Variants in DLG2 observed in about 807,000 individuals in gnomAD.
The protein encoded by DLG2 is discs large MAGUK scaffold protein 2.
Under a neutral mutation model 132.5 loss-of-function variants are expected in DLG2, and 45 were observed. The ratio of observed to expected loss-of-function variants is 0.34; its 90% CI spans 0.27 to 0.44. The LOEUF (loss-of-function observed/expected upper bound fraction) is 0.44. DLG2 is among the 20% of genes least tolerant of loss of function. The pLI is 1.00. For synonymous variants in DLG2, 424 were observed against 419.6 expected (o/e 1.01, Z -0.13); for missense variants, 1,045 against 1,196.9 (o/e 0.87, Z 1.87).
intron 6 of DLG2, among the ~76,000 whole-genome samples, chr11:85,059,857 C>T (rs1398944701): frequency 6.6e-6 from 1 of 151,594 alleles, no homozygotes; most frequent in Non-Finnish European, 1.5e-5. Context: ...ACCCTGTGAG[C>T]TTTTCTGCAT....
At chr11:85,516,374 G>A (rs777809557) in intron 3 of DLG2, among the ~76,000 whole-genome samples, 1 of 151,902 alleles carries the variant, frequency 6.6e-6, no homozygotes, top group Non-Finnish European at 1.5e-5. Context: ...ACCTAACATT[G>A]CACCTCAAGG....
intron 6 of DLG2, among the ~76,000 whole-genome samples, chr11:84,615,716 T>C (rs376654699): frequency 6.7e-6 from 1 of 149,874 alleles, no homozygotes; most frequent in Non-Finnish European, 1.5e-5. Flanking sequence ...TAGAGGCTGG[T>C]GACCTGATTA....
At chr11:84,816,828 C>A (rs952349466) in intron 6 of DLG2, among the ~76,000 whole-genome samples, 1 of 151,878 alleles carries the variant, frequency 6.6e-6, no homozygotes, top group Admixed American at 6.6e-5. Flanking sequence ...AAACCAAAAG[C>A]AAAACTATGT....
chr11:83,882,979 G>A (rs1047514419), intron 15 of DLG2, among the ~76,000 whole-genome samples: 8 of 152,090 alleles, frequency 5.3e-5, no homozygotes, highest in Admixed American at 6.5e-5. Context: ...GTGCCACTGC[G>A]ACCCATATTC....
chr11:84,038,113 C>T (rs964212039), intron 11 of DLG2, among the ~76,000 whole-genome samples: 4 of 151,922 alleles, frequency 2.6e-5, no homozygotes, highest in South Asian at 2.1e-4. Flanking sequence ...TGATCCTCTC[C>T]CTCCTTCCCG....
At chr11:85,439,219 C>T (rs1249280020) in intron 3 of DLG2, among the ~76,000 whole-genome samples, 1 of 152,146 alleles carries the variant, frequency 6.6e-6, no homozygotes, top group African/African-American at 2.4e-5. Flanking sequence ...CCTTTTCCCA[C>T]AGCGGCTGTG....
rs748850524 is a variant in DLG2, at chr11:84,745,109, G to T, written c.358-210378C>A. 2.6e-5 allele frequency among the ~76,000 whole-genome samples: 4 copies of T among 152,000 alleles called. 1 individual carries two copies. The Middle Eastern group carries it at 0.01, about 396-fold the overall frequency. ...ACTATTCTTGAATCCATGAAAAAGA[G>T]GGGCTCCTAGCCCTCTACTCAAAAA... On this transcript the variant is annotated intron_variant, in intron 6 of 27. Transcript: ENST00000376104.
chr11:85,511,766 T>G (rs2094076592), intron 3 of DLG2, among the ~76,000 whole-genome samples: 1 of 151,178 alleles, frequency 6.6e-6, no homozygotes, highest in Admixed American at 6.6e-5. Flanking sequence ...TTGCCCAGGC[T>G]AAAGTGCAGT....
At chr11:83,954,399 A>C (rs537994028) in intron 14 of DLG2, among the ~76,000 whole-genome samples, 14 of 152,276 alleles carry the variant, frequency 9.2e-5, no homozygotes, top group African/African-American at 3.4e-4. Context: ...TATTTACATT[A>C]ATAAAGAGAA....
At chr11:83,479,378 G>GT (rs1294778359) in intron 22 of DLG2, among the ~76,000 whole-genome samples, 1 of 151,986 alleles carries the variant, frequency 6.6e-6, no homozygotes, top group African/African-American at 2.4e-5. Flanking sequence ...CTATAACGGG[G>GT]GGGGGAAAAC....
chr11:85,546,814 CCTG>C (rs2076356901), intron 3 of DLG2, among the ~76,000 whole-genome samples: 1 of 145,444 alleles, frequency 6.9e-6, no homozygotes, highest in Non-Finnish European at 1.5e-5. Context: ...GGATATAACC[CCTG>C]CTTTTTTTTT....
chr11:83,483,311 C>T, intron 22 of DLG2: 1 of 1,610,320 alleles, frequency 6.2e-7, no homozygotes, highest in Non-Finnish European at 8.5e-7. Context: ...GCATGGAAGT[C>T]CCCAGAGAGA....
intron 6 of DLG2, among the ~76,000 whole-genome samples, chr11:84,964,591 C>G (rs1057070641): frequency 6.6e-6 from 1 of 152,080 alleles, no homozygotes; most frequent in Non-Finnish European, 1.5e-5. Flanking sequence ...AAGACAACAT[C>G]CCTCTGCCGT....
At position 83,817,493 on chromosome 11, in the gene DLG2, T is replaced by G. The variant is rs556496275; in HGVS notation, c.1722+16121A>C. ...TCGAGGAATTGAGACTTTATTTGGATGGTTAAGTTATAACCAATGGACTCT... is the reference window on the plus strand; with the variant it reads ...TCGAGGAATTGAGACTTTATTTGGAGGGTTAAGTTATAACCAATGGACTCT... On this transcript the variant is annotated intron_variant, in intron 17 of 27. Transcript: ENST00000376104. 9.1e-4 allele frequency among the ~76,000 whole-genome samples: 139 copies of G among 152,314 alleles called. 1 individual carries two copies. The highest frequency in any genetic ancestry group is 3.3e-3 in the African/African-American group (137 of 41,578).
At chr11:85,453,953 C>T (rs781656478) in intron 3 of DLG2, among the ~76,000 whole-genome samples, 47 of 152,090 alleles carry the variant, frequency 3.1e-4, no homozygotes, top group Admixed American at 7.2e-4. Context: ...TAAGCAGGCC[C>T]TGGTGTCTGT....
At chr11:84,792,938 T>C (rs1389234468) in intron 6 of DLG2, among the ~76,000 whole-genome samples, 7 of 152,122 alleles carry the variant, frequency 4.6e-5, no homozygotes, top group Non-Finnish European at 8.8e-5. Flanking sequence ...ATCTTTATTA[T>C]TACTTTTCTT....
intron 10 of DLG2, among the ~76,000 whole-genome samples, chr11:84,084,713 CTTACCTTTTTTG>C (rs1398238260): frequency 6.6e-6 from 1 of 151,774 alleles, no homozygotes; most frequent in Non-Finnish European, 1.5e-5. Context: ...ATTCTGTTAA[CTTACCTTTTTTG>C]TTAATTTATT....
chr11:85,492,815 G>T (rs1208883486), intron 3 of DLG2, among the ~76,000 whole-genome samples: 1 of 152,062 alleles, frequency 6.6e-6, no homozygotes, highest in Non-Finnish European at 1.5e-5. Flanking sequence ...TGAACCTGAG[G>T]TATAATGAGT....
At chr11:83,724,804 C>T (rs546311528) in intron 18 of DLG2, 5 of 701,790 alleles carry the variant, frequency 7.1e-6, no homozygotes, top group South Asian at 5.9e-5. Flanking sequence ...CACACCTCCC[C>T]CACATGGTCT....
Sources: gnomAD v4.1 joint callset for allele counts (sites outside exome capture counted in the v4.1 genomes callset) on GRCh38, gnomAD v4.1.1 for gene constraint, MANE v1.5 for transcripts, NCBI Gene and HGNC (gene_info 2026-07-23, HGNC 2026-07-21) for gene names.